Variants in CSMD1 observed in about 807,000 individuals in gnomAD.
The protein encoded by CSMD1 is CUB and Sushi multiple domains 1.
In CSMD1, 213 loss-of-function variants were observed where a neutral mutation model predicts 417.5. That is an observed-to-expected ratio of 0.51 (90% CI 0.46 to 0.57). CSMD1 has a LOEUF of 0.57. CSMD1 is among the 20% of genes least tolerant of loss of function. The pLI is 0.00. For missense variants in CSMD1, 6,923 were observed against 4,529.7 expected, an observed-to-expected ratio of 1.53 and a Z score of -15.17; for synonymous variants, 2,862 against 1,736.8, an observed-to-expected ratio of 1.65 and a Z score of -16.11.
intron 2 of CSMD1, among the ~76,000 whole-genome samples, chr8:4,574,179 C>T (rs79949995): frequency 6.9e-6 from 1 of 145,808 alleles, no homozygotes; most frequent in Non-Finnish European, 1.5e-5. Context: ...CCAAAAAAAA[C>T]CTCTTGCAGC....
chr8:4,809,851 C>T (rs1798795169), intron 1 of CSMD1, among the ~76,000 whole-genome samples: 1 of 152,196 alleles, frequency 6.6e-6, no homozygotes, highest in African/African-American at 2.4e-5. Context: ...TACAACTCAA[C>T]AGCCACATGG....
intron 1 of CSMD1, among the ~76,000 whole-genome samples, chr8:4,901,969 A>C (rs6993781): frequency 0.89 from 135,173 of 152,120 alleles, 60,240 homozygotes; most frequent in East Asian, 0.99. Context: ...AATACCAAAG[A>C]CATAATGTCA....
chr8:3,567,867 C>G (rs1799781125), intron 10 of CSMD1, among the ~76,000 whole-genome samples: 1 of 152,096 alleles, frequency 6.6e-6, no homozygotes, highest in Admixed American at 6.6e-5. Context: ...TATAGTTGGA[C>G]TCCTTATCCT....
At chr8:4,071,958 T>C (rs538676273) in intron 3 of CSMD1, among the ~76,000 whole-genome samples, 24 of 152,294 alleles carry the variant, frequency 1.6e-4, no homozygotes, top group East Asian at 3.9e-4. Context: ...TGTGGGGCTC[T>C]CCAGTCTAGA....
intron 4 of CSMD1, among the ~76,000 whole-genome samples, chr8:4,004,946 G>C (rs566899218): frequency 3.3e-5 from 5 of 152,028 alleles, no homozygotes; most frequent in Non-Finnish European, 5.9e-5. Flanking sequence ...GGGTTTCACC[G>C]TGTTAGCCAG....
intron 40 of CSMD1, among the ~76,000 whole-genome samples, chr8:3,147,316 T>A (rs1818904795): frequency 6.6e-6 from 1 of 152,246 alleles, no homozygotes; most frequent in African/African-American, 2.4e-5. Context: ...CAAAATCTCA[T>A]GATTTCTACA....
At chr8:3,893,344 T>TAC (rs1020682229) in intron 5 of CSMD1, among the ~76,000 whole-genome samples, 81 of 119,756 alleles carry the variant, frequency 6.8e-4, no homozygotes, top group African/African-American at 2.1e-3. Flanking sequence ...CAATTTTATA[T>TAC]ATATATATAT....
At chr8:3,092,172 T>G (rs1435116850) in intron 47 of CSMD1, among the ~76,000 whole-genome samples, 1 of 152,074 alleles carries the variant, frequency 6.6e-6, no homozygotes, top group African/African-American at 2.4e-5. Context: ...TCATGGCAAA[T>G]TTTAGATCAA....
At chr8:4,049,533 G>A (rs1386376931) in intron 3 of CSMD1, among the ~76,000 whole-genome samples, 1 of 151,440 alleles carries the variant, frequency 6.6e-6, no homozygotes, top group Non-Finnish European at 1.5e-5. Context: ...TTGGTCTCTA[G>A]GGCCAACCTC....
At chr8:3,778,439 C>T (rs1584984179) in intron 5 of CSMD1, among the ~76,000 whole-genome samples, 1 of 152,192 alleles carries the variant, frequency 6.6e-6, no homozygotes, top group African/African-American at 2.4e-5. Context: ...TTTCCACTTC[C>T]AGCCATCCCA....
chr8:4,155,116 G>A (rs1299253358), intron 3 of CSMD1, among the ~76,000 whole-genome samples: 5 of 152,120 alleles, frequency 3.3e-5, no homozygotes, highest in South Asian at 2.1e-4. Flanking sequence ...CACATGACGC[G>A]CATGCACTAT....
intron 3 of CSMD1, among the ~76,000 whole-genome samples, chr8:4,137,280 C>G (rs936814284): frequency 1.3e-4 from 20 of 152,118 alleles, no homozygotes; most frequent in African/African-American, 4.3e-4. Flanking sequence ...GAAACATGGT[C>G]TAATTTTAAT....
chr8:4,608,532 C>A (rs79970576), intron 2 of CSMD1, among the ~76,000 whole-genome samples: 2 of 152,148 alleles, frequency 1.3e-5, no homozygotes. Flanking sequence ...CCATAAGAGA[C>A]GCCAGTACTG....
At chr8:3,733,296 GAATATATATACACATACATATATGTACA>G (rs1563322007) in intron 6 of CSMD1, among the ~76,000 whole-genome samples, 2 of 141,648 alleles carry the variant, frequency 1.4e-5, no homozygotes, top group Non-Finnish European at 3.1e-5. Flanking sequence ...ATATACATAT[GAATATATATACACATACATATATGTACA>G]AATATATATA....
chr8:4,594,274 G>C (rs534219825), intron 2 of CSMD1, among the ~76,000 whole-genome samples: 2 of 143,156 alleles, frequency 1.4e-5, no homozygotes, highest in South Asian at 2.2e-4. Flanking sequence ...CGTGATCTCA[G>C]CTCACTGCAA....
chr8:3,971,026 T>C (rs1458932914), intron 5 of CSMD1, among the ~76,000 whole-genome samples: 1 of 152,156 alleles, frequency 6.6e-6, no homozygotes, highest in African/African-American at 2.4e-5. Context: ...ACTGGGATTT[T>C]AGGCATGAGT....
chr8:4,755,444 T>G (rs372829572), intron 1 of CSMD1, among the ~76,000 whole-genome samples: 1 of 152,222 alleles, frequency 6.6e-6, no homozygotes, highest in East Asian at 1.9e-4. Flanking sequence ...TCTTAATTTT[T>G]TTATTTAAAT....
chr8:4,538,569 G>A (rs1433833629), intron 2 of CSMD1, among the ~76,000 whole-genome samples: 1 of 151,832 alleles, frequency 6.6e-6, no homozygotes, highest in South Asian at 2.1e-4. Context: ...CTTGAACCCA[G>A]GAGTTGGACG....
At chr8:4,582,807 A>G (rs1799484276) in intron 2 of CSMD1, among the ~76,000 whole-genome samples, 1 of 152,184 alleles carries the variant, frequency 6.6e-6, no homozygotes, top group Non-Finnish European at 1.5e-5. Context: ...CCACTCCCTC[A>G]GCTTGCGGGG....
Sources: allele counts gnomAD v4.1 joint callset (sites outside exome capture counted in the v4.1 genomes callset), GRCh38; gene constraint gnomAD v4.1.1; transcripts MANE v1.5; gene names NCBI Gene and HGNC (gene_info 2026-07-23, HGNC 2026-07-21).